Variants in KALRN observed in about 807,000 individuals in gnomAD.
KALRN encodes the protein kalirin RhoGEF kinase, also known as kalirin.
KALRN carries 70 observed loss-of-function variants against 353.7 expected under a neutral mutation model. The ratio of observed to expected loss-of-function variants is 0.20; its 90% confidence interval spans 0.16 to 0.24. The LOEUF (loss-of-function observed/expected upper bound fraction) is 0.24, where lower values mean the gene tolerates loss of function less well. Among genes scored for constraint, KALRN ranks in the 10% least tolerant of loss-of-function variants. The pLI is 1.00. For synonymous variants in KALRN, 1,391 were observed against 1,434.8 expected (o/e 0.97, Z 0.69); for missense variants, 2,791 against 3,756.7 (o/e 0.74, Z 6.72).
chr3:124,512,114 G>A (rs1265285452), intron 33 of KALRN, among the ~76,000 whole-genome samples: 1 of 152,234 alleles, frequency 6.6e-6, no homozygotes, highest in Non-Finnish European at 1.5e-5. Flanking sequence ...GAATTTGTGT[G>A]TGTGTTCCTC....
At chr3:124,419,027 G>A (rs540465039) in intron 14 of KALRN, among the ~76,000 whole-genome samples, 4 of 151,468 alleles carry the variant, frequency 2.6e-5, no homozygotes, top group Non-Finnish European at 2.9e-5. Flanking sequence ...AGCTGAGATC[G>A]CACCACTGCA....
chr3:124,133,093 A>C (rs1384989406), intron 1 of KALRN: 1 of 152,610 alleles, frequency 6.6e-6, no homozygotes, highest in African/African-American at 2.4e-5. Flanking sequence ...GTGGATCTGC[A>C]TTCTGGGAAC....
intron 1 of KALRN, among the ~76,000 whole-genome samples, chr3:124,172,097 A>C (rs1011176620): frequency 6.6e-5 from 10 of 152,166 alleles, no homozygotes; most frequent in African/African-American, 2.4e-4. Context: ...TTATCCATAA[A>C]ATAAGTGTAT....
At chr3:124,521,377 A>C (rs1341662302) in intron 33 of KALRN, among the ~76,000 whole-genome samples, 1 of 152,212 alleles carries the variant, frequency 6.6e-6, no homozygotes, top group East Asian at 1.9e-4. Flanking sequence ...GACCTTGGAG[A>C]TCATTGAGAT....
chr3:124,615,136 C>T (rs545489262), intron 34 of KALRN, among the ~76,000 whole-genome samples: 2 of 152,272 alleles, frequency 1.3e-5, no homozygotes, highest in African/African-American at 4.8e-5. Context: ...GTGACAGACA[C>T]TAGGGGATCA....
At chr3:124,272,466 T>C (rs2074266438) in intron 5 of KALRN, among the ~76,000 whole-genome samples, 1 of 152,178 alleles carries the variant, frequency 6.6e-6, no homozygotes, top group East Asian at 1.9e-4. Context: ...TATCCAAATA[T>C]ATGATCCCTG....
intron 5 of KALRN, among the ~76,000 whole-genome samples, chr3:124,283,143 C>T (rs913024803): frequency 1.3e-5 from 2 of 152,172 alleles, no homozygotes; most frequent in Non-Finnish European, 2.9e-5. Flanking sequence ...TTGGCACAGC[C>T]GATTTTAGGA....
At chr3:124,595,470 C>G (rs2076186920) in intron 34 of KALRN, among the ~76,000 whole-genome samples, 1 of 152,156 alleles carries the variant, frequency 6.6e-6, no homozygotes, top group African/African-American at 2.4e-5. Context: ...TAGTATACCA[C>G]TATATACACA....
At chr3:124,288,301 T>C (rs1290075435) in intron 5 of KALRN, among the ~76,000 whole-genome samples, 2 of 152,192 alleles carry the variant, frequency 1.3e-5, no homozygotes, top group Admixed American at 1.3e-4. Flanking sequence ...GCTTATTTGG[T>C]CAAGAAAGGC....
At chr3:124,212,729 G>C (rs1248467241) in intron 1 of KALRN, among the ~76,000 whole-genome samples, 2 of 152,038 alleles carry the variant, frequency 1.3e-5, no homozygotes, top group Admixed American at 1.3e-4. Flanking sequence ...GCACTAATGG[G>C]GTTATAGGCA....
intron 10 of KALRN, among the ~76,000 whole-genome samples, chr3:124,352,340 G>C (rs771072530): frequency 6.6e-6 from 1 of 152,176 alleles, no homozygotes; most frequent in Non-Finnish European, 1.5e-5. Flanking sequence ...TGAGGTAGGC[G>C]AGTATTCAAG....
At chr3:124,588,614 C>T (rs543383378) in intron 34 of KALRN, among the ~76,000 whole-genome samples, 42 of 152,162 alleles carry the variant, frequency 2.8e-4, no homozygotes, top group African/African-American at 9.6e-4. Flanking sequence ...TCAGTAGAGA[C>T]GGGGTTTCAC....
intron 10 of KALRN, among the ~76,000 whole-genome samples, chr3:124,377,730 A>G (rs1269778998): frequency 2.0e-5 from 3 of 152,180 alleles, no homozygotes; most frequent in African/African-American, 2.4e-5. Context: ...TGATAGAAGC[A>G]TAACTGTTTA....
intron 34 of KALRN, among the ~76,000 whole-genome samples, chr3:124,630,380 GTGTTTGTTTGTTTGTT>G (rs140992996): frequency 6.7e-6 from 1 of 149,964 alleles, no homozygotes; most frequent in Non-Finnish European, 1.5e-5. Context: ...AGGCCCAGTA[GTGTTTGTTTGTTTGTT>G]TGTTTGTTTG....
chr3:124,211,366 T>C (rs967733870), intron 1 of KALRN, among the ~76,000 whole-genome samples: 12 of 152,204 alleles, frequency 7.9e-5, no homozygotes, highest in Admixed American at 2.6e-4. Flanking sequence ...GATAACTTTA[T>C]TGCTATAAGA....
In KALRN at chr3:124,334,795, G is replaced by A. The variant is rs896320306; in HGVS notation, c.1647+300G>A. Among the ~76,000 whole-genome samples, 1 of 152,110 alleles carries A rather than the reference G, an allele frequency of 6.6e-6. No homozygotes were observed. Among genetic ancestry groups the A allele is most frequent in the African/African-American group, 2.4e-5 (1 of 41,432 alleles). On this transcript the variant is annotated intron_variant, in intron 9 of 59. Transcript: ENST00000682506. This position sits in a 1 kb window ranked among gnomAD's most constrained non-coding sequence, Gnocchi z 4.2. ...TAGTCATGTGGCACATTTTTCTTTT[G>A]TTTTGTTTTGTTTTTTGGAAACAGA...
At chr3:124,573,779 T>C (rs2073805028) in intron 34 of KALRN, among the ~76,000 whole-genome samples, 1 of 152,224 alleles carries the variant, frequency 6.6e-6, no homozygotes, top group Non-Finnish European at 1.5e-5. Context: ...AGCAGGTCCA[T>C]CTGGCTCCGT....
At chr3:124,357,685 C>T (rs1435391134) in intron 10 of KALRN, among the ~76,000 whole-genome samples, 3 of 152,150 alleles carry the variant, frequency 2.0e-5, no homozygotes, top group African/African-American at 7.2e-5. Context: ...ATTGGATGCC[C>T]CTTTTCTAGT....
Position 124,227,757 on chromosome 3 carries a change from C to A in KALRN, c.74-233C>A, listed in dbSNP as rs146121043. Among the ~76,000 whole-genome samples, 133 of 125,770 alleles carry A rather than the reference C, an allele frequency of 1.1e-3. No homozygotes were observed. In the East Asian group the frequency reaches 0.02, roughly 19 times the overall value. The allele number at this position is 125,770 out of a possible 152,430, so 82.5% of individuals were successfully genotyped here. On this transcript the variant is annotated intron_variant, in intron 1 of 59. Coordinates refer to ENST00000682506, the MANE Select transcript of KALRN (RefSeq NM_001388419.1). ...TGTGGGGAGGGTGACTTGGATTGTC[C>A]TCTCCTTGAGAAGGACTAGGGGGTT... is the stretch of plus-strand genomic sequence containing the variant.
Sources: allele counts gnomAD v4.1 joint callset (sites outside exome capture counted in the v4.1 genomes callset), GRCh38; gene constraint gnomAD v4.1.1; non-coding constraint Gnocchi (gnomAD v3.1); transcripts MANE v1.5; gene names NCBI Gene and HGNC (gene_info 2026-07-23, HGNC 2026-07-21).